RGS7: variants seen among roughly 807,000 people sequenced by gnomAD.
RGS7 encodes regulator of G protein signaling 7, also known as regulator of G-protein signaling 7.
Under a neutral mutation model 81.1 loss-of-function variants are expected in RGS7, and 27 were observed. The observed-to-expected ratio is 0.33, with a 90% CI of 0.25 to 0.46. The LOEUF is 0.46. Among genes scored for constraint, RGS7 ranks in the 20% least tolerant of loss-of-function variants. The pLI, the probability that RGS7 is intolerant of heterozygous loss-of-function variation, is 1.00. For synonymous variants in RGS7, 208 were observed against 207.7 expected (o/e 1.00, Z -0.01); for missense variants, 396 against 607.4 (o/e 0.65, Z 3.66).
chr1:241,126,496 G>A (rs10926416), intron 2 of RGS7, among the ~76,000 whole-genome samples: 16,504 of 152,158 alleles, frequency 0.11, 1,138 homozygotes, highest in Middle Eastern at 0.18. Flanking sequence ...TTCATGCAAC[G>A]GGCTCTAGAT....
chr1:241,197,655 G>C (rs2073176334), intron 2 of RGS7, among the ~76,000 whole-genome samples: 1 of 151,798 alleles, frequency 6.6e-6, no homozygotes, highest in African/African-American at 2.4e-5. Context: ...CCATGAGGAA[G>C]ACACATTTTA....
rs145268458 is a variant in RGS7 at position 241,242,630 on chromosome 1, C to T, written c.78+113069G>A. 3.2e-3 allele frequency among the ~76,000 whole-genome samples: 489 copies of T among 152,234 alleles called. 3 individuals carry two copies. Among genetic ancestry groups the T allele is most frequent in the Middle Eastern group, 0.014 (4 of 294 alleles). On this transcript the variant is annotated intron_variant, in intron 2 of 18. Transcript: ENST00000440928. ...GGTTTCCCTTTTTACCACATCCCTG[C>T]CAACATCTATTATTTTTTGATTTTC...
chr1:240,817,645 C>G (rs574262887), intron 10 of RGS7, among the ~76,000 whole-genome samples: 4 of 152,070 alleles, frequency 2.6e-5, no homozygotes, highest in Non-Finnish European at 4.4e-5. Context: ...TTCTGTCATT[C>G]AGGCTGGAGT....
chr1:240,991,529 G>C (rs1182107030), intron 3 of RGS7, among the ~76,000 whole-genome samples: 2 of 152,174 alleles, frequency 1.3e-5, no homozygotes, highest in East Asian at 1.9e-4. Flanking sequence ...GGAGTTAAGA[G>C]AAGGAAGGAA....
In RGS7 at chr1:240,811,908, T is replaced by C. The variant is rs751006989; in HGVS notation, c.1082+10A>G. 6 of 1,607,328 alleles carry C rather than the reference T, an allele frequency of 3.7e-6. No individual in the cohort carries two copies. In the South Asian group the frequency reaches 4.4e-5, roughly 12 times the overall value. Reference sequence around the variant, plus strand: ...TCTCTGGCTTATAAGATCCAAGCAATGTGTTTTACCTTAAATTTTCCGAGC... The same window carrying C: ...TCTCTGGCTTATAAGATCCAAGCAACGTGTTTTACCTTAAATTTTCCGAGC... On this transcript the variant is annotated intron_variant, in intron 14 of 18. Transcript: ENST00000440928.
chr1:241,097,576 C>T (rs1269066665), intron 3 of RGS7, among the ~76,000 whole-genome samples: 1 of 152,082 alleles, frequency 6.6e-6, no homozygotes, highest in East Asian at 1.9e-4. Flanking sequence ...GTACAGGAAT[C>T]CCATGAAGCA....
intron 6 of RGS7, among the ~76,000 whole-genome samples, chr1:240,875,907 C>A (rs1024757349): frequency 7.9e-5 from 12 of 152,134 alleles, no homozygotes; most frequent in Non-Finnish European, 2.9e-5. Flanking sequence ...TTCATTGATA[C>A]CACCAGGGTG....
At chr1:241,129,263 A>C (rs2066908003) in intron 2 of RGS7, among the ~76,000 whole-genome samples, 1 of 144,244 alleles carries the variant, frequency 6.9e-6, no homozygotes, top group South Asian at 2.2e-4. Context: ...AAACAAACAA[A>C]CAAACAAAAA....
chr1:241,034,869 T>C (rs2060250797), intron 3 of RGS7, among the ~76,000 whole-genome samples: 1 of 152,206 alleles, frequency 6.6e-6, no homozygotes, highest in South Asian at 2.1e-4. Context: ...GAATATCACA[T>C]TGTTGATAGA....
At chr1:240,940,278 C>T (rs1677366656) in intron 4 of RGS7, among the ~76,000 whole-genome samples, 1 of 152,010 alleles carries the variant, frequency 6.6e-6, no homozygotes. Flanking sequence ...CTTGCTTTGG[C>T]CATTTCTTCA....
At chr1:241,014,651 C>T (rs1158090602) in intron 3 of RGS7, among the ~76,000 whole-genome samples, 1 of 152,152 alleles carries the variant, frequency 6.6e-6, no homozygotes, top group Non-Finnish European at 1.5e-5. Context: ...AACTGCTCAA[C>T]TCATTTATTA....
At chr1:240,970,954 G>A (rs1330695385) in intron 4 of RGS7, among the ~76,000 whole-genome samples, 1 of 152,136 alleles carries the variant, frequency 6.6e-6, no homozygotes, top group African/African-American at 2.4e-5. Context: ...ACTCCAGCCT[G>A]CATGATACAG....
chr1:240,948,021 ACTTC>A (rs1260886769), intron 4 of RGS7, among the ~76,000 whole-genome samples: 7 of 152,012 alleles, frequency 4.6e-5, no homozygotes, highest in African/African-American at 1.7e-4. Context: ...AGAACACCCC[ACTTC>A]CTTCCTTCAG....
At chr1:241,175,014 C>T (rs5022282) in intron 2 of RGS7, among the ~76,000 whole-genome samples, 55,611 of 150,750 alleles carry the variant, frequency 0.37, 10,518 homozygotes, top group South Asian at 0.48. Context: ...GTGATTCTCC[C>T]GCCTCAGCCT....
At chr1:241,015,525 C>A (rs528229918) in intron 3 of RGS7, among the ~76,000 whole-genome samples, 1 of 152,244 alleles carries the variant, frequency 6.6e-6, no homozygotes, top group Non-Finnish European at 1.5e-5. Context: ...CATTTATAAA[C>A]AAAGTACATA....
chr1:240,908,335 C>A (rs1671186105), intron 6 of RGS7, among the ~76,000 whole-genome samples: 1 of 151,792 alleles, frequency 6.6e-6, no homozygotes, highest in South Asian at 2.1e-4. Context: ...TACCTTAGAA[C>A]TTAAAGCATA....
intron 2 of RGS7, among the ~76,000 whole-genome samples, chr1:241,280,343 C>T (rs924644799): frequency 1.3e-5 from 2 of 152,156 alleles, no homozygotes; most frequent in African/African-American, 4.8e-5. Context: ...TCATGGCCTG[C>T]TGATACCTCA....
At chr1:240,973,551 A>G (rs949030844) in intron 4 of RGS7, among the ~76,000 whole-genome samples, 3 of 152,162 alleles carry the variant, frequency 2.0e-5, no homozygotes, top group Non-Finnish European at 4.4e-5. Flanking sequence ...GGAAAAGCAT[A>G]AAACACTTTA....
chr1:240,876,643 G>A (rs1442566200), intron 6 of RGS7, among the ~76,000 whole-genome samples: 1 of 152,160 alleles, frequency 6.6e-6, no homozygotes, highest in Non-Finnish European at 1.5e-5. Flanking sequence ...AAGGACGTGA[G>A]AGTGAGTAAT....
Sources: allele counts gnomAD v4.1 joint callset (sites outside exome capture counted in the v4.1 genomes callset), GRCh38; gene constraint gnomAD v4.1.1; transcripts MANE v1.5; gene names NCBI Gene and HGNC (gene_info 2026-07-23, HGNC 2026-07-21).